SORCS3: variants seen among roughly 807,000 people sequenced by gnomAD.
SORCS3 encodes the protein VPS10 domain-containing receptor SorCS3.
A neutral mutation model predicts 146.3 loss-of-function variants in SORCS3; 57 were observed. That is an observed-to-expected ratio of 0.39 (90% CI 0.31 to 0.49). The LOEUF (loss-of-function observed/expected upper bound fraction) is 0.49. Ranked by LOEUF, SORCS3 falls within the 20% of genes least tolerant of loss-of-function variation. The probability of loss-of-function intolerance (pLI) is 0.92; values close to 1 mark genes in which losing one functional copy is unlikely to be tolerated. For missense variants in SORCS3, 1,341 were observed against 1,575.5 expected (o/e 0.85, Z 2.52); for synonymous variants, 653 against 618.5 (o/e 1.06, Z -0.83).
intron 1 of SORCS3, among the ~76,000 whole-genome samples, chr10:104,777,458 G>A (rs912897357): frequency 6.6e-6 from 1 of 152,224 alleles, no homozygotes; most frequent in African/African-American, 2.4e-5. Flanking sequence ...GCAGAGCAAA[G>A]ACTGGGACTG....
At chr10:105,062,476 A>G (rs761182223) in intron 5 of SORCS3, among the ~76,000 whole-genome samples, 2 of 152,216 alleles carry the variant, frequency 1.3e-5, no homozygotes, top group Non-Finnish European at 2.9e-5. Context: ...TTCTGGGTTC[A>G]AAGCCCATGT....
chr10:104,854,924 G>A (rs1214587836), intron 2 of SORCS3, among the ~76,000 whole-genome samples: 2 of 152,124 alleles, frequency 1.3e-5, no homozygotes, highest in African/African-American at 4.8e-5. Context: ...GTAGTCTAGG[G>A]TATGAATGTA....
At chr10:104,705,610 G>C (rs1056109698) in intron 1 of SORCS3, among the ~76,000 whole-genome samples, 3 of 152,174 alleles carry the variant, frequency 2.0e-5, no homozygotes, top group African/African-American at 7.2e-5. Context: ...AATGGACACG[G>C]TTGGCTCCTG....
chr10:104,958,133 GC>G (rs1430591412), intron 3 of SORCS3, among the ~76,000 whole-genome samples: 1 of 152,100 alleles, frequency 6.6e-6, no homozygotes, highest in Non-Finnish European at 1.5e-5. Flanking sequence ...CTTTGTCATT[GC>G]CTTGCTGTGC....
chr10:104,779,643 C>A (rs2017350215), intron 1 of SORCS3, among the ~76,000 whole-genome samples: 1 of 152,112 alleles, frequency 6.6e-6, no homozygotes, highest in Admixed American at 6.5e-5. Flanking sequence ...TCTCTCCTGC[C>A]CAGTGATCCA....
intron 1 of SORCS3, among the ~76,000 whole-genome samples, chr10:104,763,943 C>T (rs578089302): frequency 6.6e-6 from 1 of 151,950 alleles, no homozygotes; most frequent in African/African-American, 2.4e-5. Flanking sequence ...TTGCCTTCCA[C>T]CATGATTGTA....
chr10:104,996,218 C>T (rs943016624), intron 4 of SORCS3, among the ~76,000 whole-genome samples: 21 of 152,018 alleles, frequency 1.4e-4, no homozygotes, highest in African/African-American at 5.1e-4. Flanking sequence ...TTATTTCTAC[C>T]CCCTACCTCC....
chr10:105,081,617 A>G (rs1261893440), intron 5 of SORCS3, among the ~76,000 whole-genome samples: 1 of 152,178 alleles, frequency 6.6e-6, no homozygotes, highest in East Asian at 1.9e-4. Flanking sequence ...TAAGTTGCTA[A>G]AAATAAGTTT....
intron 5 of SORCS3, among the ~76,000 whole-genome samples, chr10:105,078,369 A>G (rs1246193680): frequency 6.6e-6 from 1 of 152,146 alleles, no homozygotes; most frequent in Non-Finnish European, 1.5e-5. Flanking sequence ...AGAAGAATGA[A>G]ATCAAGAAGG....
At chr10:104,869,907 A>G (rs759149944) in intron 2 of SORCS3, among the ~76,000 whole-genome samples, 8 of 152,220 alleles carry the variant, frequency 5.3e-5, no homozygotes, top group Non-Finnish European at 1.0e-4. Flanking sequence ...AGCTACTGCA[A>G]GTAATTTTCC....
At chr10:104,942,866 C>A (rs1314657548) in intron 3 of SORCS3, among the ~76,000 whole-genome samples, 1 of 152,154 alleles carries the variant, frequency 6.6e-6, no homozygotes, top group African/African-American at 2.4e-5. Context: ...AGTTTCCCTC[C>A]TAAGATTAGC....
chr10:105,096,131 C>CACACACACACAG (rs1554876843), intron 6 of SORCS3, among the ~76,000 whole-genome samples: 3 of 133,924 alleles, frequency 2.2e-5, no homozygotes, highest in African/African-American at 8.0e-5. Flanking sequence ...CACACACACA[C>CACACACACACAG]AGACACAAAC....
intron 14 of SORCS3, among the ~76,000 whole-genome samples, chr10:105,190,766 T>C (rs1168610940): frequency 6.6e-6 from 1 of 152,154 alleles, no homozygotes. Context: ...CAAAGTCTTA[T>C]GGGTATGGAT....
chr10:104,843,617 T>C (rs531431618), intron 2 of SORCS3, among the ~76,000 whole-genome samples: 1 of 152,136 alleles, frequency 6.6e-6, no homozygotes, highest in Non-Finnish European at 1.5e-5. Context: ...AGAAGAGGGA[T>C]GTGGGTGAGT....
chr10:105,218,709 A>G (rs2119659502), intron 19 of SORCS3, among the ~76,000 whole-genome samples: 1 of 152,016 alleles, frequency 6.6e-6, no homozygotes, highest in Middle Eastern at 3.4e-3. Context: ...GCCTTTATAA[A>G]CCTCCAATTT....
intron 18 of SORCS3, 93 bp downstream of exon 18, chr10:105,214,706 C>A (rs2056655229): frequency 2.5e-6 from 3 of 1,218,808 alleles, no homozygotes; most frequent in African/African-American, 3.1e-5. Flanking sequence ...CAGACCCCTG[C>A]ACCAAAGTCA....
At chr10:104,951,523 T>C (rs2019428947) in intron 3 of SORCS3, among the ~76,000 whole-genome samples, 1 of 151,978 alleles carries the variant, frequency 6.6e-6, no homozygotes, top group Non-Finnish European at 1.5e-5. Flanking sequence ...TTGTTTTTGT[T>C]TTTAGAGATG....
chr10:104,949,940 A>G (rs945529650), intron 3 of SORCS3, among the ~76,000 whole-genome samples: 1 of 152,264 alleles, frequency 6.6e-6, no homozygotes, highest in Admixed American at 6.5e-5. Flanking sequence ...TAAGAGAGTA[A>G]TAAGATTTGA....
intron 1 of SORCS3, among the ~76,000 whole-genome samples, chr10:104,743,031 A>T (rs1216088594): frequency 2.6e-5 from 4 of 152,348 alleles, no homozygotes; most frequent in Non-Finnish European, 4.4e-5. Context: ...ATTACCTTTT[A>T]AAAAATTTCA....
Sources: gnomAD v4.1 joint callset for allele counts (sites outside exome capture counted in the v4.1 genomes callset) on GRCh38, gnomAD v4.1.1 for gene constraint, MANE v1.5 for transcripts, NCBI Gene and HGNC (gene_info 2026-07-23, HGNC 2026-07-21) for gene names.